PALM2AKAP2: variants seen among roughly 807,000 people sequenced by gnomAD.
PALM2AKAP2 encodes the protein PALM2 and AKAP2 fusion.
PALM2AKAP2 carries 37 observed loss-of-function variants against 71.5 expected under a neutral mutation model. That is an observed-to-expected ratio of 0.52 (90% CI 0.40 to 0.68). The LOEUF (loss-of-function observed/expected upper bound fraction) is 0.68. Ranked by LOEUF, PALM2AKAP2 falls within the 30% of genes least tolerant of loss-of-function variation. PALM2AKAP2 has a pLI of 0.00. For missense variants in PALM2AKAP2, 1,224 were observed against 1,191.8 expected, an observed-to-expected ratio of 1.03 and a Z score of -0.40; for synonymous variants, 468 against 478.8, an observed-to-expected ratio of 0.98 and a Z score of 0.29.
At chr9:109,784,968 C>T (rs941312348) in intron 1 of PALM2AKAP2, among the ~76,000 whole-genome samples, 1 of 152,152 alleles carries the variant, frequency 6.6e-6, no homozygotes, top group Non-Finnish European at 1.5e-5. Flanking sequence ...TTTAATGGAA[C>T]GAGTAACATT....
rs565329442 is a variant in PALM2AKAP2 at position 110,103,999 on chromosome 9, T to G, written c.157-32128T>G. Among the ~76,000 whole-genome samples, 7 of 152,346 alleles carry G rather than the reference T, an allele frequency of 4.6e-5. No individual in the cohort carries two copies. In the East Asian group the frequency reaches 1.2e-3, roughly 25 times the overall value. On this transcript the variant is annotated intron_variant, in intron 1 of 3. Transcript: ENST00000374525. ...CCCTGGAACATTTCAGGTTTGAGTG[T>G]CAGCCACATCTTCTTTAGGACCAGT...
intron 6 of PALM2AKAP2, among the ~76,000 whole-genome samples, chr9:109,947,539 C>A (rs1831537367): frequency 6.6e-6 from 1 of 152,154 alleles, no homozygotes; most frequent in Non-Finnish European, 1.5e-5. Flanking sequence ...GTCATAGAGA[C>A]AAAATCTAAC....
chr9:110,156,969 G>A (rs904321442), intron 3 of PALM2AKAP2, among the ~76,000 whole-genome samples: 2 of 152,210 alleles, frequency 1.3e-5, no homozygotes, highest in African/African-American at 2.4e-5. Flanking sequence ...AAGACTGAGT[G>A]TGTTTGGGGC....
chr9:109,788,132 T>C (rs1055760469), intron 1 of PALM2AKAP2, among the ~76,000 whole-genome samples: 7 of 152,238 alleles, frequency 4.6e-5, no homozygotes, highest in African/African-American at 1.7e-4. Flanking sequence ...AATTGCTCTC[T>C]AACTCAACCA....
At chr9:109,946,706 A>T (rs1458046741) in intron 6 of PALM2AKAP2, 1 of 151,496 alleles carries the variant, frequency 6.6e-6, no homozygotes, top group Non-Finnish European at 1.5e-5. Context: ...AAAAAAAAAA[A>T]AAAAAATCAT....
intron 3 of PALM2AKAP2, among the ~76,000 whole-genome samples, chr9:109,897,993 A>G (rs1311312149): frequency 6.6e-6 from 1 of 152,224 alleles, no homozygotes; most frequent in Non-Finnish European, 1.5e-5. Context: ...CATTAAATAA[A>G]TTATAGGTAA....
intron 1 of PALM2AKAP2, among the ~76,000 whole-genome samples, chr9:110,060,495 A>AT (rs1344453433): frequency 6.6e-6 from 1 of 152,044 alleles, no homozygotes; most frequent in Non-Finnish European, 1.5e-5. Flanking sequence ...CACAGGCCCT[A>AT]TTTTTTTCCC....
At chr9:109,989,712 G>C (rs1405269876) in intron 6 of PALM2AKAP2, among the ~76,000 whole-genome samples, 1 of 152,240 alleles carries the variant, frequency 6.6e-6, no homozygotes, top group Non-Finnish European at 1.5e-5. Context: ...TCAGCTGGCT[G>C]TGTGGATTCC....
At chr9:109,836,687 A>G (rs1383041160) in intron 1 of PALM2AKAP2, among the ~76,000 whole-genome samples, 1 of 152,220 alleles carries the variant, frequency 6.6e-6, no homozygotes, top group Non-Finnish European at 1.5e-5. Flanking sequence ...TCCTTAAATG[A>G]CCTGATGGAG....
chr9:110,063,719 C>T (rs944146833), intron 1 of PALM2AKAP2, among the ~76,000 whole-genome samples: 1 of 152,206 alleles, frequency 6.6e-6, no homozygotes, highest in African/African-American at 2.4e-5. Context: ...GCTGGGATTA[C>T]AGGCGTGAGC....
Position 109,854,089 on chromosome 9 carries a change from G to A in PALM2AKAP2, c.46-13402G>A, listed in dbSNP as rs904992683. Among the ~76,000 whole-genome samples the A allele has an allele frequency of 3.3e-5, 5 of 152,174 alleles. No individual in the cohort carries two copies. The East Asian group carries it at 7.7e-4, about 23-fold the overall frequency. On this transcript the variant is annotated intron_variant, in intron 1 of 9. Transcript: ENST00000302798. ...GCTTATTTAATTACCTTATCCTAAA[G>A]TACGTCTTTACTAGAAATTTGCTGT...
chr9:109,908,176 A>G (rs1830490887), intron 3 of PALM2AKAP2, among the ~76,000 whole-genome samples: 1 of 152,198 alleles, frequency 6.6e-6, no homozygotes, highest in Non-Finnish European at 1.5e-5. Flanking sequence ...GTGATTTCCA[A>G]ATCCTGTGTA....
At chr9:109,856,364 A>C (rs1393256208) in intron 1 of PALM2AKAP2, among the ~76,000 whole-genome samples, 1 of 152,264 alleles carries the variant, frequency 6.6e-6, no homozygotes, top group African/African-American at 2.4e-5. Flanking sequence ...CCGTAGTTGC[A>C]AAGAATGTGG....
intron 1 of PALM2AKAP2, among the ~76,000 whole-genome samples, chr9:110,082,446 A>G (rs79014921): frequency 0.013 from 2,012 of 152,280 alleles, 37 homozygotes; most frequent in African/African-American, 0.046. Context: ...CCTTGAGATC[A>G]CCTATAAAAT....
In PALM2AKAP2 at chr9:109,931,922, A is replaced by G. The variant is rs901598702; in HGVS notation, c.395-5A>G. The G allele has an allele frequency of 4.3e-6, 7 of 1,613,620 alleles. No homozygotes were observed. Among genetic ancestry groups the G allele is most frequent in the Non-Finnish European group, 5.9e-6 (7 of 1,179,802 alleles). On this transcript the variant is annotated splice_polypyrimidine_tract_variant and splice_region_variant and intron_variant, in intron 5 of 9. Coordinates refer to the PALM2AKAP2 transcript ENST00000302798. Reference sequence around the variant, plus strand: ...CTAATTGTATTCCCTGTTCTCTGCTACCAGATGCAGTAAATTACATTTCCT... The same window carrying G: ...CTAATTGTATTCCCTGTTCTCTGCTGCCAGATGCAGTAAATTACATTTCCT...
chr9:110,009,713 C>CAAAAA (rs535271745), intron 6 of PALM2AKAP2, among the ~76,000 whole-genome samples: 3 of 71,934 alleles, frequency 4.2e-5, no homozygotes, highest in African/African-American at 1.3e-4. Flanking sequence ...GACTCTGTCT[C>CAAAAA]AAAAAAAAAA....
At chr9:110,026,291 GC>G (rs1319052373) in intron 7 of PALM2AKAP2, among the ~76,000 whole-genome samples, 2 of 151,986 alleles carry the variant, frequency 1.3e-5, no homozygotes, top group Non-Finnish European at 2.9e-5. Context: ...TGTTGCCCAG[GC>G]CAATCTTAAA....
At chr9:109,700,116 A>C (rs1828031396) in intron 1 of PALM2AKAP2, among the ~76,000 whole-genome samples, 1 of 152,168 alleles carries the variant, frequency 6.6e-6, no homozygotes, top group Admixed American at 6.5e-5. Flanking sequence ...ATGGGAAGGA[A>C]GAGATATAAA....
chr9:109,859,169 C>A (rs1258691739), intron 1 of PALM2AKAP2, among the ~76,000 whole-genome samples: 1 of 152,142 alleles, frequency 6.6e-6, no homozygotes, highest in African/African-American at 2.4e-5. Context: ...TCGAACTAAT[C>A]AATGTCTTCT....
Sources: gnomAD v4.1 joint callset for allele counts (sites outside exome capture counted in the v4.1 genomes callset) on GRCh38, gnomAD v4.1.1 for gene constraint, MANE v1.5 for transcripts, NCBI Gene and HGNC (gene_info 2026-07-23, HGNC 2026-07-21) for gene names.